The following ITGA7 variants were observed in gnomAD, a reference collection of about 807,000 sequenced individuals.
The protein encoded by ITGA7 is integrin alpha-7.
A neutral mutation model predicts 131.6 loss-of-function variants in ITGA7; 84 were observed. The observed-to-expected ratio is 0.64, with a 90% CI of 0.54 to 0.77. The LOEUF is 0.77. ITGA7 is among the 30% of genes least tolerant of loss of function. The probability of loss-of-function intolerance (pLI) is 0.00; values close to 1 mark genes in which losing one functional copy is unlikely to be tolerated. For missense variants in ITGA7, 1,399 were observed against 1,482.9 expected, an observed-to-expected ratio of 0.94 and a Z score of 0.93; for synonymous variants, 548 against 600.7, an observed-to-expected ratio of 0.91 and a Z score of 1.28.
At position 55,689,540 on chromosome 12, in the gene ITGA7, A is replaced by T. The variant is rs550703463; in HGVS notation, c.2845-583T>A. Reference sequence around the variant, plus strand: ...CTCTGTTCTTTCCAGGACTGACCTAAATCCATTTGGCCCAATCACCACCTC... The same window carrying T: ...CTCTGTTCTTTCCAGGACTGACCTATATCCATTTGGCCCAATCACCACCTC... On this transcript the variant is annotated intron_variant, in intron 21 of 24. Transcript: ENST00000257879. 2.0e-4 allele frequency among the ~76,000 whole-genome samples: 30 copies of T among 152,312 alleles called. No homozygotes were observed. In the South Asian group the frequency reaches 6.2e-3, roughly 32 times the overall value.
intron 1 of ITGA7, among the ~76,000 whole-genome samples, chr12:55,705,948 G>A (rs1029395180): frequency 6.6e-6 from 1 of 152,136 alleles, no homozygotes; most frequent in African/African-American, 2.4e-5. Flanking sequence ...CTGAGCAGGT[G>A]CCTGGCCTCT....
In ITGA7 at chr12:55,704,470, C is replaced by A. The variant is rs1163147600; in HGVS notation, c.207-1292G>T. Among the ~76,000 whole-genome samples the A allele has an allele frequency of 2.6e-5, 4 of 152,156 alleles. No individual in the cohort carries two copies. In the East Asian group the frequency reaches 7.7e-4, roughly 29 times the overall value. ...ATTGAGAGTCTATTGTATGCCAAGCCCTGTGTCAGGCGCTGGTGAGACAAG... is the reference window on the plus strand; with the variant it reads ...ATTGAGAGTCTATTGTATGCCAAGCACTGTGTCAGGCGCTGGTGAGACAAG... On this transcript the variant is annotated intron_variant, in intron 1 of 24. Transcript: ENST00000257879.
chr12:55,687,169 CTTTT>C (rs1187388992), intron 24 of ITGA7, among the ~76,000 whole-genome samples: 13 of 88,172 alleles, frequency 1.5e-4, no homozygotes, highest in African/African-American at 6.5e-4. Flanking sequence ...CATCTGATTT[CTTTT>C]TTTTTTTTTT....
upstream of ITGA7, among the ~76,000 whole-genome samples, chr12:55,713,359 A>G (rs190444626): frequency 1.2e-4 from 18 of 152,290 alleles, no homozygotes; most frequent in African/African-American, 4.3e-4. Flanking sequence ...AGAGGGGCAT[A>G]ATGATTAGAG....
chr12:55,710,292 C>T (rs1353968746), upstream of ITGA7, among the ~76,000 whole-genome samples: 4 of 151,530 alleles, frequency 2.6e-5, no homozygotes, highest in Non-Finnish European at 2.9e-5. Flanking sequence ...ACCCAGGAGA[C>T]GGAGGTTGCA....
Position 55,687,977 on chromosome 12 carries a change from C to T in ITGA7, c.3177G>A (p.Leu1059=). ...CCCCACCTCCAAGCCTCACCTTCCA[C>T]AGGAGCAGCACCAGCAGTGCTAGCA... is the stretch of plus-strand genomic sequence containing the variant. The part of the protein sequence containing the change: ...LLVLALLVLL[L]WKMGFFKRAK... Residue 1059 remains leucine (L), a synonymous_variant, in exon 24 of 25, where the codon CTG becomes CTA. Transcript: ENST00000257879. The T allele has an allele frequency of 6.2e-7, 1 of 1,614,194 alleles. No individual in the cohort carries two copies. The highest frequency in any genetic ancestry group is 2.2e-5 in the East Asian group (1 of 44,878).
At chr12:55,701,562 C>T (rs1039185916) in intron 3 of ITGA7, 56 of 760,098 alleles carry the variant, frequency 7.4e-5, no homozygotes, top group African/African-American at 4.2e-4. Context: ...ACTTCCTGTC[C>T]GCTTCACTCT....
At position 55,699,856 on chromosome 12, in the gene ITGA7, G is replaced by T; in HGVS notation, c.790+14C>A. ...GCCATGCCCCTAGAGTCCAGGAGGT[G>T]GGAGCTTACAAACCTAAGTAGCTAT... On this transcript the variant is annotated intron_variant, in intron 5 of 24. Coordinates refer to ENST00000257879, the MANE Select transcript of ITGA7 (RefSeq NM_002206.3). 6.3e-7 allele frequency: 1 copy of T among 1,597,326 alleles called. No homozygotes were observed. Among genetic ancestry groups the T allele is most frequent in the Non-Finnish European group, 8.5e-7 (1 of 1,172,700 alleles).
rs1592449355 is a variant in ITGA7, at chr12:55,697,776, A to G, written c.1328T>C (p.Leu443Pro). Residue 443 changes from leucine to proline, a missense_variant, in exon 9 of 25, where the codon CTG (leucine) becomes CCG (proline). Transcript: ENST00000257879. ...CCCATCCATATCCAAGCTGCCTGAC[A>G]GGGAGTAGCCGAAGCTCTTGATGCC... ...AVGIKSFGYSLSGSLDMDGNQ... is the reference protein window; with the variant it reads ...AVGIKSFGYSPSGSLDMDGNQ... 1.2e-6 allele frequency: 2 copies of G among 1,614,136 alleles called. No individual in the cohort carries two copies. The highest frequency in any genetic ancestry group is 1.7e-6 in the Non-Finnish European group (2 of 1,180,008).
Position 55,684,697 on chromosome 12 carries a change from C to G in ITGA7, c.*361G>C. The G allele has an allele frequency of 3.8e-6, 1 of 265,166 alleles. No homozygotes were observed. Among genetic ancestry groups the G allele is most frequent in the Admixed American group, 4.8e-5 (1 of 20,844 alleles). The allele number at this position is 265,166 out of a possible 1,614,324, so 16.4% of individuals were successfully genotyped here. On this transcript the variant is annotated 3_prime_UTR_variant, in exon 25 of 25. Coordinates refer to ENST00000257879, the MANE Select transcript of ITGA7 (RefSeq NM_002206.3). ...CCTGAGTCAGTGACACAACCTCCTC[C>G]CCGACCCTCTAGGTTAAGGCACTTC...
intron 1 of ITGA7, among the ~76,000 whole-genome samples, chr12:55,704,003 C>T (rs778501815): frequency 1.3e-5 from 2 of 152,188 alleles, no homozygotes; most frequent in Non-Finnish European, 2.9e-5. Context: ...ACAGCCAAGC[C>T]GTCTTCCCCA....
At chr12:55,687,870 C>A (rs1025950349) in intron 24 of ITGA7, 101 bp downstream of exon 24, 2 of 1,507,530 alleles carry the variant, frequency 1.3e-6, no homozygotes, top group Non-Finnish European at 1.8e-6. Flanking sequence ...TGCAGATTTG[C>A]TGAATACATG....
chr12:55,693,322 G>A lies in ITGA7; in HGVS notation c.2536-5C>T. On this transcript the variant is annotated splice_polypyrimidine_tract_variant and splice_region_variant and intron_variant, in intron 19 of 24. Coordinates refer to ENST00000257879, the MANE Select transcript of ITGA7 (RefSeq NM_002206.3). The stretch of plus-strand genomic sequence containing the variant: ...CGACTGGCCTTGGTTGGAAACCTGT[G>A]GGAAAAAGAGAGTATGAGGGGAGAG... 1.2e-6 allele frequency: 2 copies of A among 1,612,906 alleles called. No homozygotes were observed. Among genetic ancestry groups the A allele is most frequent in the Non-Finnish European group, 1.7e-6 (2 of 1,179,342 alleles).
chr12:55,700,289 T>G, intron 4 of ITGA7: 1 of 1,608,318 alleles, frequency 6.2e-7, no homozygotes, highest in East Asian at 2.2e-5. Context: ...GGGACCGGGA[T>G]GAGGCGGGGG....
At chr12:55,691,267 CAT>C (rs1871356335) in intron 21 of ITGA7, among the ~76,000 whole-genome samples, 1 of 152,054 alleles carries the variant, frequency 6.6e-6, no homozygotes, top group Non-Finnish European at 1.5e-5. Flanking sequence ...AAGTTGAACT[CAT>C]AGAAGTAGAG....
rs1280743777 is a variant in ITGA7, at chr12:55,700,179, C to T, written c.671-190G>A. 1.1e-5 allele frequency: 16 copies of T among 1,502,812 alleles called. No individual in the cohort carries two copies. In the East Asian group the frequency reaches 3.6e-4, roughly 34 times the overall value. 93.1% of individuals were successfully genotyped at this position (1,502,812 alleles called of 1,614,324 possible). A position where few individuals can be genotyped will look rare whatever the true frequency, so the allele number is the denominator to read the frequency against. On this transcript the variant is annotated intron_variant, in intron 4 of 24. Coordinates refer to ENST00000257879, the MANE Select transcript of ITGA7 (RefSeq NM_002206.3). The stretch of plus-strand genomic sequence containing the variant: ...ACAAGGTGAGAGACAGAAACAGAGA[C>T]AGAAGGATGGGAGCATGGAGAGAGA...
Position 55,697,918 on chromosome 12 carries a change from A to G in ITGA7, c.1281+20T>C. On this transcript the variant is annotated intron_variant, in intron 8 of 24. Coordinates refer to ENST00000257879, the MANE Select transcript of ITGA7 (RefSeq NM_002206.3). ...TGATTCCACCCACACCCATTCCCTCATCCCAGCGACTCCCCTCACCTGTGA... is the reference window on the plus strand; with the variant it reads ...TGATTCCACCCACACCCATTCCCTCGTCCCAGCGACTCCCCTCACCTGTGA... 2.5e-6 allele frequency: 4 copies of G among 1,613,814 alleles called. No homozygotes were observed. Among genetic ancestry groups the G allele is most frequent in the Non-Finnish European group, 3.4e-6 (4 of 1,179,920 alleles).
At position 55,696,963 on chromosome 12, in the gene ITGA7, G is replaced by A. The variant is rs548594784; in HGVS notation, c.1673C>T (p.Ser558Leu). The A allele has an allele frequency of 2.8e-5, 45 of 1,614,158 alleles. No homozygotes were observed. Among genetic ancestry groups the A allele is most frequent in the South Asian group, 2.5e-4 (23 of 91,082 alleles). Residue 558 changes from serine to leucine, a missense_variant, in exon 12 of 25, where the codon TCG becomes TTG. By Grantham distance (145) the Ser-to-Leu change is moderately radical. Transcript: ENST00000257879. ...RNLEEPKHQA[S>L]GTVWLKHQHD... ...CTGGTGCTTCAGCCACACGGTGCCC[G>A]AGGCCTGGTGCTTGGGTTCTTCCAG...
Position 55,694,661 on chromosome 12 carries a change from G to A in ITGA7, c.2231C>T (p.Ser744Phe). Residue 744 changes from serine (S) to phenylalanine (F), a missense_variant, in exon 16 of 25, where the codon TCC becomes TTC. Physicochemically the swap from Ser to Phe is radical, Grantham distance 155. Transcript: ENST00000257879. The surrounding 1 kb of genome is among the most constrained non-coding windows in gnomAD (Gnocchi z 5.3). ...KPLCLSNENA[S>F]HVECELGNPM... ...GTTCCCCAGCTCACACTCAACATGGGAGGCATTCTCATTGGACAGGCAGAG... is the reference window on the plus strand; with the variant it reads ...GTTCCCCAGCTCACACTCAACATGGAAGGCATTCTCATTGGACAGGCAGAG... The A allele has an allele frequency of 1.2e-6, 2 of 1,614,162 alleles. No homozygotes were observed. Among genetic ancestry groups the A allele is most frequent in the Non-Finnish European group, 8.5e-7 (1 of 1,180,022 alleles).
Sources: gnomAD v4.1 joint callset for allele counts (sites outside exome capture counted in the v4.1 genomes callset) on GRCh38, gnomAD v4.1.1 for gene constraint, Gnocchi (gnomAD v3.1) non-coding constraint, MANE v1.5 for transcripts, NCBI Gene and HGNC (gene_info 2026-07-23, HGNC 2026-07-21) for gene names.